The following SV2B variants were observed in gnomAD, a reference collection of about 807,000 sequenced individuals.
SV2B encodes synaptic vesicle glycoprotein 2B.
In SV2B, 41 loss-of-function variants were observed where a neutral mutation model predicts 73.9. The ratio of observed to expected loss-of-function variants is 0.56; its 90% CI spans 0.43 to 0.72. SV2B has a LOEUF of 0.72. Among genes scored for constraint, SV2B ranks in the 30% least tolerant of loss-of-function variants. SV2B has a pLI of 0.00. For missense variants in SV2B, 764 were observed against 857.8 expected, an observed-to-expected ratio of 0.89 and a Z score of 1.37; for synonymous variants, 314 against 314.2, an observed-to-expected ratio of 1.00 and a Z score of 0.01.
chr15:91,172,950 A>AT (rs1317536167), intron 1 of SV2B, among the ~76,000 whole-genome samples: 2 of 151,842 alleles, frequency 1.3e-5, no homozygotes, highest in Admixed American at 6.6e-5. Flanking sequence ...TCTGGTGGAA[A>AT]AGTCCAGACA....
chr15:91,202,564 A>G lies in SV2B; in HGVS notation c.-391-23309A>G, dbSNP rs113781051. ...GATAATAATACTTACCTCTAAGAGT[A>G]AATACCTATAAAAAGCTGAGAACAG... On this transcript the variant is annotated intron_variant, in intron 1 of 12. Coordinates refer to ENST00000394232, the MANE Select transcript of SV2B (RefSeq NM_001323032.3). 8.9e-3 allele frequency among the ~76,000 whole-genome samples: 1,359 copies of G among 152,348 alleles called. 21 individuals are homozygous for G. The highest frequency in any genetic ancestry group is 0.031 in the African/African-American group (1,293 of 41,568).
intron 4 of SV2B, among the ~76,000 whole-genome samples, chr15:91,257,751 C>G (rs541085979): frequency 3.4e-4 from 52 of 152,290 alleles, no homozygotes; most frequent in African/African-American, 1.2e-3. Context: ...TGGCTGCACC[C>G]CTTCCCATAA....
rs1210842798 is a variant in SV2B at position 91,267,357 on chromosome 15, T to C, written c.1120-198T>C. Among the ~76,000 whole-genome samples, 1 of 152,204 alleles carries C rather than the reference T, an allele frequency of 6.6e-6. No individual in the cohort carries two copies. The highest frequency in any genetic ancestry group is 1.5e-5 in the Non-Finnish European group (1 of 68,022). ...AAAATCCTATTGGACTGTTAGAGTA[T>C]GAGGCCAGCCAGTAGGAAGAGAAGA... On this transcript the variant is annotated intron_variant, in intron 7 of 12. Transcript: ENST00000394232. This position sits in a 1 kb window ranked among gnomAD's most constrained non-coding sequence, Gnocchi z 4.3.
Position 91,266,685 on chromosome 15 carries a change from T to C in SV2B, c.1112T>C (p.Phe371Ser), listed in dbSNP as rs1358359507. The change falls in exon 7 of 13, where the codon TTC (phenylalanine) becomes TCC (serine). Residue 371 changes from phenylalanine to serine, a missense_variant. Transcript: ENST00000394232. ...TGGCTGGTCAGATTCAAGACCATTTTCAAGCAGGTATGATTGGGAACTTAC... is the reference window on the plus strand; with the variant it reads ...TGGCTGGTCAGATTCAAGACCATTTCCAAGCAGGTATGATTGGGAACTTAC... Reference protein sequence around the residue: ...QRWLVRFKTIFKQVWDNALYC... With the variant: ...QRWLVRFKTISKQVWDNALYC... 1 of 1,613,248 alleles carries C rather than the reference T, an allele frequency of 6.2e-7. No individual in the cohort carries two copies. Among genetic ancestry groups the C allele is most frequent in the Non-Finnish European group, 8.5e-7 (1 of 1,179,428 alleles).
intron 1 of SV2B, among the ~76,000 whole-genome samples, chr15:91,216,561 C>A (rs1156700984): frequency 6.6e-6 from 1 of 151,270 alleles, no homozygotes; most frequent in Admixed American, 6.6e-5. Flanking sequence ...CAACCTCCAC[C>A]TCCCAGGTTC....
Position 91,226,647 on chromosome 15 carries a change from G to A in SV2B, c.384G>A (p.Val128=), listed in dbSNP as rs761132084. Residue 128 remains valine (V), a synonymous_variant, in exon 2 of 13, where the codon GTG becomes GTA. Coordinates refer to ENST00000394232, the MANE Select transcript of SV2B (RefSeq NM_001323032.3). ...TGGCCGATGGGGTGGAAGTGTTCGTGGTGAGTTTTGCCCTGCCCAGTGCAG... is the reference window on the plus strand; with the variant it reads ...TGGCCGATGGGGTGGAAGTGTTCGTAGTGAGTTTTGCCCTGCCCAGTGCAG... ...ALMADGVEVF[V]VSFALPSAEK... 4.3e-6 allele frequency: 7 copies of A among 1,613,950 alleles called. No homozygotes were observed. The highest frequency in any genetic ancestry group is 5.1e-6 in the Non-Finnish European group (6 of 1,180,002).
intron 1 of SV2B, among the ~76,000 whole-genome samples, chr15:91,146,818 C>A (rs1211052351): frequency 6.6e-6 from 1 of 152,220 alleles, no homozygotes. Flanking sequence ...TGTCCAATGA[C>A]ATTAGTCAGA....
At chr15:91,275,322 A>G (rs1194919301) in intron 9 of SV2B, among the ~76,000 whole-genome samples, 1 of 152,164 alleles carries the variant, frequency 6.6e-6, no homozygotes, top group African/African-American at 2.4e-5. Flanking sequence ...CTTACAATAT[A>G]CATCTTTAAT....
At chr15:91,125,327 A>G (rs1404627582) in intron 1 of SV2B, among the ~76,000 whole-genome samples, 1 of 152,150 alleles carries the variant, frequency 6.6e-6, no homozygotes, top group Non-Finnish European at 1.5e-5. Flanking sequence ...ACACTTGTTG[A>G]GTTTCTGTTC....
At chr15:91,138,167 C>T (rs1056044669) in intron 1 of SV2B, among the ~76,000 whole-genome samples, 1 of 152,056 alleles carries the variant, frequency 6.6e-6, no homozygotes. Flanking sequence ...TAACAAAAAC[C>T]AACCAAAAAA....
In SV2B at chr15:91,283,870, G is replaced by GGCCACATATTACCTTGACGACAT; in HGVS notation, c.1508-133_1508-132insGACATGCCACATATTACCTTGAC. On this transcript the variant is annotated intron_variant, in intron 10 of 12. Transcript: ENST00000394232. The surrounding 1 kb of genome is among the most constrained non-coding windows in gnomAD (Gnocchi z 4.3). ...CTCCTCATCCATACCTTGATGACAT[G>GGCCACATATTACCTTGACGACAT]GCCACATATTACCTTGACTTTGAGG... 2 of 768,186 alleles carry GGCCACATATTACCTTGACGACAT rather than the reference G, an allele frequency of 2.6e-6. No homozygotes were observed. The highest frequency in any genetic ancestry group is 4.4e-6 in the Non-Finnish European group (2 of 456,280). 47.6% of individuals were successfully genotyped at this position (768,186 alleles called of 1,614,324 possible). A position where few individuals can be genotyped will look rare whatever the true frequency, so the allele number is the denominator to read the frequency against.
rs2049449530 is a variant in SV2B, at chr15:91,301,720, G to A, written c.*9168G>A. Among the ~76,000 whole-genome samples, 1 of 152,192 alleles carries A rather than the reference G, an allele frequency of 6.6e-6. No individual in the cohort carries two copies. ...ATCCCAAATGTTTGGGACCAGAAGT[G>A]TTCTGGATTTCCGGTTTTAAAAGAT... is the stretch of plus-strand genomic sequence containing the variant. On this transcript the variant is annotated 3_prime_UTR_variant, in exon 13 of 13. Transcript: ENST00000394232. This position sits in a 1 kb window ranked among gnomAD's most constrained non-coding sequence, Gnocchi z 4.3.
chr15:91,212,907 G>A (rs1324474447), intron 1 of SV2B, among the ~76,000 whole-genome samples: 57 of 151,916 alleles, frequency 3.8e-4, no homozygotes, highest in East Asian at 5.8e-4. Flanking sequence ...AAGGTAGCCC[G>A]AGGCAAGGGG....
Position 91,229,643 on chromosome 15 carries a change from A to T in SV2B, c.451+2929A>T, listed in dbSNP as rs2046497640. ...ATAATAGTATCTACTTCATAGGATTATTCTGAGGACTAAATAAGGTTAATC... is the reference window on the plus strand; with the variant it reads ...ATAATAGTATCTACTTCATAGGATTTTTCTGAGGACTAAATAAGGTTAATC... On this transcript the variant is annotated intron_variant, in intron 2 of 12. Transcript: ENST00000394232. This position sits in a 1 kb window ranked among gnomAD's most constrained non-coding sequence, Gnocchi z 4.3. Among the ~76,000 whole-genome samples, 1 of 152,190 alleles carries T rather than the reference A, an allele frequency of 6.6e-6. No individual in the cohort carries two copies. Among genetic ancestry groups the T allele is most frequent in the East Asian group, 1.9e-4 (1 of 5,196 alleles).
rs1304570306 is a variant in SV2B, at chr15:91,223,381, C to T, written c.-391-2492C>T. The stretch of plus-strand genomic sequence containing the variant: ...TGAACACTCACTGGACAGTGATTCC[C>T]CTTTACTCCACTGCACTTGACATTC... On this transcript the variant is annotated intron_variant, in intron 1 of 12. Coordinates refer to ENST00000394232, the MANE Select transcript of SV2B (RefSeq NM_001323032.3). This position sits in a 1 kb window ranked among gnomAD's most constrained non-coding sequence, Gnocchi z 4.6. 1.3e-5 allele frequency among the ~76,000 whole-genome samples: 2 copies of T among 152,150 alleles called. No individual in the cohort carries two copies. Among genetic ancestry groups the T allele is most frequent in the Non-Finnish European group, 2.9e-5 (2 of 68,014 alleles).
intron 1 of SV2B, among the ~76,000 whole-genome samples, chr15:91,165,406 C>T (rs879006320): frequency 6.6e-6 from 1 of 152,052 alleles, no homozygotes; most frequent in Non-Finnish European, 1.5e-5. Context: ...GTCATTACTC[C>T]CTAAACAATA....
At position 91,124,959 on chromosome 15, in the gene SV2B, A is replaced by G. The variant is rs1183103390; in HGVS notation, c.-392+24596A>G. Among the ~76,000 whole-genome samples the G allele has an allele frequency of 1.3e-5, 2 of 152,112 alleles. No homozygotes were observed. Among genetic ancestry groups the G allele is most frequent in the East Asian group, 3.9e-4 (2 of 5,168 alleles). On this transcript the variant is annotated intron_variant, in intron 1 of 12. Coordinates refer to ENST00000394232, the MANE Select transcript of SV2B (RefSeq NM_001323032.3). This position sits in a 1 kb window ranked among gnomAD's most constrained non-coding sequence, Gnocchi z 4.6. ...GTGAGCCACTGCGCCCAGCCCAGAA[A>G]TTTATTTCTGGTGGTTTTGAAGGCT...
At chr15:91,143,698 T>G (rs1275847985) in intron 1 of SV2B, among the ~76,000 whole-genome samples, 1 of 152,224 alleles carries the variant, frequency 6.6e-6, no homozygotes, top group Non-Finnish European at 1.5e-5. Context: ...ATGAGTCCGA[T>G]TTTTCTGGAA....
intron 1 of SV2B, among the ~76,000 whole-genome samples, chr15:91,207,879 A>G (rs1415975867): frequency 6.6e-6 from 1 of 152,160 alleles, no homozygotes; most frequent in Non-Finnish European, 1.5e-5. Flanking sequence ...CCTCTCAGGT[A>G]TAGGGCAGGA....
Sources: allele counts gnomAD v4.1 joint callset (sites outside exome capture counted in the v4.1 genomes callset), GRCh38; gene constraint gnomAD v4.1.1; non-coding constraint Gnocchi (gnomAD v3.1); transcripts MANE v1.5; gene names NCBI Gene and HGNC (gene_info 2026-07-23, HGNC 2026-07-21).